Variants in DNASE1L3 observed in about 807,000 individuals in gnomAD.
DNASE1L3 encodes the protein deoxyribonuclease gamma.
A neutral mutation model predicts 30.9 loss-of-function variants in DNASE1L3; 27 were observed. That is an observed-to-expected ratio of 0.87 (90% confidence interval 0.64 to 1.20). The LOEUF (loss-of-function observed/expected upper bound fraction) is 1.20, where lower values mean the gene tolerates loss of function less well. Among genes scored for constraint, DNASE1L3 ranks in the 50% most tolerant of loss-of-function variants. The probability of loss-of-function intolerance (pLI) is 0.00; values close to 1 mark genes in which losing one functional copy is unlikely to be tolerated. For synonymous variants in DNASE1L3, 135 were observed against 138.0 expected, an observed-to-expected ratio of 0.98 and a Z score of 0.15; for missense variants, 364 against 378.2, an observed-to-expected ratio of 0.96 and a Z score of 0.31.
chr3:58,196,058 C>G (rs544864585), intron 6 of DNASE1L3, among the ~76,000 whole-genome samples: 40 of 152,258 alleles, frequency 2.6e-4, no homozygotes, highest in African/African-American at 9.6e-4. Context: ...AAGAATGGCG[C>G]TGGAGAAGGG....
chr3:58,206,502 C>A (rs2097404002), intron 2 of DNASE1L3, among the ~76,000 whole-genome samples: 1 of 152,100 alleles, frequency 6.6e-6, no homozygotes, highest in African/African-American at 2.4e-5. Context: ...CCTGCCAAGT[C>A]CTGAGTTAGC....
In DNASE1L3 at chr3:58,197,840, T is replaced by C. The variant is rs770793470; in HGVS notation, c.685A>G (p.Thr229Ala). The C allele has an allele frequency of 6.2e-7, 1 of 1,614,070 alleles. No homozygotes were observed. Among genetic ancestry groups the C allele is most frequent in the South Asian group, 1.1e-5 (1 of 91,080 alleles). The change falls in exon 6 of 8, where the codon ACC (threonine) becomes GCC (alanine). Residue 229 changes from threonine to alanine, a missense_variant. Coordinates refer to ENST00000394549, the MANE Select transcript of DNASE1L3 (RefSeq NM_004944.4). This position sits in a 1 kb window ranked among gnomAD's most constrained non-coding sequence, Gnocchi z 5.3. ...TCCTACCTGTCATATGCACAGTTGG[T>C]GCTCTTCTTCACCGTGGTGTCCTCT... The part of the protein sequence containing the change: ...DQEDTTVKKS[T>A]NCAYDRIVLR...
chr3:58,198,114 C>T (rs1436019853), intron 5 of DNASE1L3, 136 bp from the exon 6 acceptor site: 7 of 993,034 alleles, frequency 7.0e-6, no homozygotes, highest in Non-Finnish European at 8.6e-6. Flanking sequence ...TGTCTACCCC[C>T]TGCTCCCGCC....
At chr3:58,193,557 C>A in intron 6 of DNASE1L3, 118 bp from the exon 7 acceptor site, 1 of 829,118 alleles carries the variant, frequency 1.2e-6, no homozygotes, top group South Asian at 1.7e-5. Context: ...TCATGTGGCG[C>A]TCAAAGTCCA....
At chr3:58,207,062 T>C (rs867290235) in intron 2 of DNASE1L3, among the ~76,000 whole-genome samples, 4 of 152,232 alleles carry the variant, frequency 2.6e-5, no homozygotes, top group South Asian at 2.1e-4. Context: ...TGTTCAAAAG[T>C]CCCTATTAAG....
Position 58,192,892 on chromosome 3 carries a change from G to T in DNASE1L3, c.802-89C>A. 1 of 1,556,100 alleles carries T rather than the reference G, an allele frequency of 6.4e-7. No individual in the cohort carries two copies. Among genetic ancestry groups the T allele is most frequent in the South Asian group, 1.2e-5 (1 of 80,214 alleles). ...AGCGATGAGCAAATTTAGGACCAGG[G>T]AGGGGAGAGGAAATGCCCGAAGTCA... On this transcript the variant is annotated intron_variant, in intron 7 of 7. Coordinates refer to ENST00000394549, the MANE Select transcript of DNASE1L3 (RefSeq NM_004944.4). This position sits in a 1 kb window ranked among gnomAD's most constrained non-coding sequence, Gnocchi z 4.8.
chr3:58,193,593 A>G (rs2097395487), intron 6 of DNASE1L3, among the ~76,000 whole-genome samples, 154 bp from the exon 7 acceptor site: 1 of 152,200 alleles, frequency 6.6e-6, no homozygotes, highest in Non-Finnish European at 1.5e-5. Context: ...TGTGACCCCA[A>G]AGGACAGTGC....
At chr3:58,196,543 ACT>A (rs1157150789) in intron 6 of DNASE1L3, among the ~76,000 whole-genome samples, 1 of 128,634 alleles carries the variant, frequency 7.8e-6, no homozygotes, top group African/African-American at 3.0e-5. Context: ...ACAGAGCGAG[ACT>A]CTGTCTAAAA....
At position 58,197,912 on chromosome 3, in the gene DNASE1L3, T is replaced by C. The variant is rs1245062116; in HGVS notation, c.613A>G (p.Ile205Val). ...SYVPKKAWKN[I>V]RLRTDPRFVW... Reference sequence around the variant, plus strand: ...AACCTGGGGTCAGTCCTCAAGCGGATGTTCTTCCAGGCCTTCTTGGGGACG... The same window carrying C: ...AACCTGGGGTCAGTCCTCAAGCGGACGTTCTTCCAGGCCTTCTTGGGGACG... The change falls in exon 6 of 8, where the codon ATC (isoleucine) becomes GTC (valine). Residue 205 changes from isoleucine (I) to valine (V), a missense_variant. Transcript: ENST00000394549. The surrounding 1 kb of genome is among the most constrained non-coding windows in gnomAD (Gnocchi z 5.3). 1 of 1,614,158 alleles carries C rather than the reference T, an allele frequency of 6.2e-7. No homozygotes were observed. Among genetic ancestry groups the C allele is most frequent in the South Asian group, 1.1e-5 (1 of 91,076 alleles).
At chr3:58,210,602 G>A (rs2097407109) in intron 1 of DNASE1L3, among the ~76,000 whole-genome samples, 164 bp downstream of exon 1, 1 of 152,206 alleles carries the variant, frequency 6.6e-6, no homozygotes. Flanking sequence ...CCTGTTTTAA[G>A]ATGACGGCAG....
At chr3:58,206,125 C>T (rs1042786339) in intron 2 of DNASE1L3, among the ~76,000 whole-genome samples, 6 of 152,286 alleles carry the variant, frequency 3.9e-5, no homozygotes, top group Middle Eastern at 3.4e-3. Context: ...TTGTTTATAT[C>T]CTGGGTGCTG....
At chr3:58,210,386 G>T (rs1319984386) in intron 1 of DNASE1L3, among the ~76,000 whole-genome samples, 1 of 152,200 alleles carries the variant, frequency 6.6e-6, no homozygotes, top group East Asian at 1.9e-4. Flanking sequence ...TCTACATGGG[G>T]AGTAATAGTC....
chr3:58,203,008 G>A (rs1209506138), intron 4 of DNASE1L3, among the ~76,000 whole-genome samples: 3 of 152,240 alleles, frequency 2.0e-5, no homozygotes, highest in East Asian at 1.9e-4. Context: ...GAGCCTGAGT[G>A]TGGCAATGTG....
intron 2 of DNASE1L3, 103 bp downstream of exon 2, chr3:58,208,115 G>A (rs1382990779): frequency 9.0e-7 from 1 of 1,111,778 alleles, no homozygotes; most frequent in South Asian, 1.4e-5. Context: ...GTGTGAACTG[G>A]TGGTCAAGTG....
In DNASE1L3 at chr3:58,200,284, G is replaced by A. The variant is rs2097399808; in HGVS notation, c.546+713C>T. On this transcript the variant is annotated intron_variant, in intron 5 of 7. Coordinates refer to ENST00000394549, the MANE Select transcript of DNASE1L3 (RefSeq NM_004944.4). This position sits in a 1 kb window ranked among gnomAD's most constrained non-coding sequence, Gnocchi z 4.2. ...GATCACAATGATTGGTTCAGGGATG[G>A]ACACCTGACCCAGTCAGAGCCAATG... Among the ~76,000 whole-genome samples, 1 of 152,162 alleles carries A rather than the reference G, an allele frequency of 6.6e-6. No homozygotes were observed. The highest frequency in any genetic ancestry group is 1.5e-5 in the Non-Finnish European group (1 of 68,038).
At chr3:58,201,323 T>C (rs1177431456) in intron 4 of DNASE1L3, among the ~76,000 whole-genome samples, 1 of 152,248 alleles carries the variant, frequency 6.6e-6, no homozygotes, top group African/African-American at 2.4e-5. Context: ...TTTCTCCCAG[T>C]TGCCCTTCAT....
In DNASE1L3 at chr3:58,200,637, A is replaced by G. The variant is rs548082067; in HGVS notation, c.546+360T>C. On this transcript the variant is annotated intron_variant, in intron 5 of 7. Coordinates refer to ENST00000394549, the MANE Select transcript of DNASE1L3 (RefSeq NM_004944.4). This position sits in a 1 kb window ranked among gnomAD's most constrained non-coding sequence, Gnocchi z 4.2. ...ACTGCTCTATGCCTTACACTTCTCA[A>G]TTGCAAAGTGGGAATGAGAAAGGTA... 5.9e-5 allele frequency among the ~76,000 whole-genome samples: 9 copies of G among 152,284 alleles called. No homozygotes were observed. Among genetic ancestry groups the G allele is most frequent in the African/African-American group, 9.6e-5 (4 of 41,556 alleles).
In DNASE1L3 at chr3:58,200,637, A is replaced by T. The variant is rs548082067; in HGVS notation, c.546+360T>A. On this transcript the variant is annotated intron_variant, in intron 5 of 7. Transcript: ENST00000394549. The surrounding 1 kb of genome is among the most constrained non-coding windows in gnomAD (Gnocchi z 4.2). ...ACTGCTCTATGCCTTACACTTCTCA[A>T]TTGCAAAGTGGGAATGAGAAAGGTA... Among the ~76,000 whole-genome samples, 2 of 152,166 alleles carry T rather than the reference A, an allele frequency of 1.3e-5. No homozygotes were observed. Among genetic ancestry groups the T allele is most frequent in the Non-Finnish European group, 2.9e-5 (2 of 68,026 alleles).
Position 58,195,847 on chromosome 3 carries a change from A to T in DNASE1L3, c.704+1974T>A, listed in dbSNP as rs187677550. ...TGTTGTTATGAGAAACAAAATTCAG[A>T]GCATCAAAATAAGAAATGAATCTTT... On this transcript the variant is annotated intron_variant, in intron 6 of 7. Transcript: ENST00000394549. Among the ~76,000 whole-genome samples the T allele has an allele frequency of 1.6e-4, 24 of 152,296 alleles. No individual in the cohort carries two copies. The East Asian group carries it at 3.3e-3, about 21-fold the overall frequency.
Sources: allele counts gnomAD v4.1 joint callset (sites outside exome capture counted in the v4.1 genomes callset), GRCh38; gene constraint gnomAD v4.1.1; non-coding constraint Gnocchi (gnomAD v3.1); transcripts MANE v1.5; gene names NCBI Gene and HGNC (gene_info 2026-07-23, HGNC 2026-07-21).